The following SMARCAD1 variants were observed in gnomAD, a reference collection of about 807,000 sequenced individuals.
SMARCAD1 encodes the protein SWI/SNF-related matrix-associated actin-dependent regulator of chromatin subfamily A containing DEAD/H box 1.
SMARCAD1 carries 25 observed loss-of-function variants against 127.1 expected under a neutral mutation model. The ratio of observed to expected loss-of-function variants is 0.20; its 90% confidence interval spans 0.14 to 0.27. SMARCAD1 has a LOEUF of 0.27. Ranked by LOEUF, SMARCAD1 falls within the 10% of genes least tolerant of loss-of-function variation. The probability of loss-of-function intolerance (pLI) is 1.00; values close to 1 mark genes in which losing one functional copy is unlikely to be tolerated. For synonymous variants in SMARCAD1, 400 were observed against 396.9 expected, an observed-to-expected ratio of 1.01 and a Z score of -0.09; for missense variants, 807 against 1,206.0, an observed-to-expected ratio of 0.67 and a Z score of 4.90.
intron 3 of SMARCAD1, 61 bp downstream of exon 3, chr4:94,226,357 C>T: frequency 3.5e-6 from 5 of 1,421,906 alleles, no homozygotes; most frequent in South Asian, 1.3e-5. Flanking sequence ...AGAAAAAAAC[C>T]TACCTAATTT....
At position 94,207,967 on chromosome 4, in the gene SMARCAD1, C is replaced by G. The variant is rs535756667; in HGVS notation, c.-153C>G. 69 of 363,580 alleles carry G rather than the reference C, an allele frequency of 1.9e-4. 2 individuals carry two copies. Among genetic ancestry groups the G allele is most frequent in the South Asian group, 1.4e-3 (69 of 48,154 alleles). The allele number at this position is 363,580 out of a possible 1,614,324, so 22.5% of individuals were successfully genotyped here. A position where few individuals can be genotyped will look rare whatever the true frequency, so the allele number is the denominator to read the frequency against. ...GTCGAGGCGCGGGCCCTGGCAGGTC[C>G]TTTCTCGAGGCAGGGGGCACGGTAG... On this transcript the variant is annotated 5_prime_UTR_variant, in exon 1 of 24. Transcript: ENST00000354268.
intron 2 of SMARCAD1, among the ~76,000 whole-genome samples, chr4:94,210,633 A>C (rs1026976090): frequency 4.6e-5 from 7 of 152,124 alleles, no homozygotes; most frequent in African/African-American, 1.7e-4. Flanking sequence ...CCCTGATGGG[A>C]ATGAGATAAG....
chr4:94,214,064 A>G (rs1742737778), intron 2 of SMARCAD1, among the ~76,000 whole-genome samples: 1 of 152,166 alleles, frequency 6.6e-6, no homozygotes, highest in Non-Finnish European at 1.5e-5. Flanking sequence ...AATCCTGTAG[A>G]GAAGTCAAGT....
At chr4:94,241,309 T>C (rs1273817703) in intron 6 of SMARCAD1, among the ~76,000 whole-genome samples, 7 of 152,238 alleles carry the variant, frequency 4.6e-5, no homozygotes, top group Non-Finnish European at 1.5e-5. Flanking sequence ...ATATAATTTG[T>C]GACTGTTTTT....
At chr4:94,264,218 G>T (rs1402786876) in intron 9 of SMARCAD1, among the ~76,000 whole-genome samples, 1 of 151,896 alleles carries the variant, frequency 6.6e-6, no homozygotes. Flanking sequence ...GATGATAGAT[G>T]TGGAAAAATA....
At chr4:94,254,333 CTT>C in intron 9 of SMARCAD1, among the ~76,000 whole-genome samples, 1 of 151,884 alleles carries the variant, frequency 6.6e-6, no homozygotes, top group East Asian at 1.9e-4. Context: ...TTAATGGTCT[CTT>C]ATGTTGTTGC....
Position 94,290,540 on chromosome 4 carries a change from A to T in SMARCAD1, c.*1006A>T, listed in dbSNP as rs749367981. 1 of 454,370 alleles carries T rather than the reference A, an allele frequency of 2.2e-6. No homozygotes were observed. Among genetic ancestry groups the T allele is most frequent in the Non-Finnish European group, 4.4e-6 (1 of 226,756 alleles). 28.1% of individuals were successfully genotyped at this position (454,370 alleles called of 1,614,324 possible). ...AATAGGTCATTAACTTGAAACTCTT[A>T]TCAAAATATATTTTACCAGTTTCCA... On this transcript the variant is annotated 3_prime_UTR_variant, in exon 24 of 24. Coordinates refer to ENST00000354268, the MANE Select transcript of SMARCAD1 (RefSeq NM_020159.5).
chr4:94,282,100 G>GTT (rs70946518), intron 21 of SMARCAD1, among the ~76,000 whole-genome samples: 3,142 of 74,850 alleles, frequency 0.042, 722 homozygotes, highest in South Asian at 0.1. Flanking sequence ...ACGTTTTTTT[G>GTT]TTTTTTTTTT....
intron 14 of SMARCAD1, among the ~76,000 whole-genome samples, chr4:94,275,796 C>CTTTTTTTTTTTTTTTTTTTT (rs535710589): frequency 1.2e-5 from 1 of 85,408 alleles, no homozygotes; most frequent in African/African-American, 3.7e-5. Context: ...TTAACATTTT[C>CTTTTTTTTTTTTTTTTTTTT]TTTTTTTTTT....
intron 2 of SMARCAD1, among the ~76,000 whole-genome samples, chr4:94,224,233 CT>C (rs1386551565): frequency 6.6e-6 from 1 of 152,136 alleles, no homozygotes; most frequent in Admixed American, 6.5e-5. Flanking sequence ...GTATGATTTG[CT>C]TTTTGCTGTT....
At chr4:94,283,083 T>G (rs1162482700) in intron 21 of SMARCAD1, 38 bp from the exon 22 acceptor site, 1 of 1,552,446 alleles carries the variant, frequency 6.4e-7, no homozygotes. Flanking sequence ...ATTATACAAC[T>G]TTTTAGTGAG....
intron 16 of SMARCAD1, 32 bp downstream of exon 16, chr4:94,277,191 T>G: frequency 6.2e-7 from 1 of 1,610,482 alleles, no homozygotes; most frequent in Non-Finnish European, 8.5e-7. Flanking sequence ...CTCCCAAATA[T>G]GTTATTTGTG....
chr4:94,248,225 A>G (rs1748748181), intron 6 of SMARCAD1, among the ~76,000 whole-genome samples: 1 of 152,196 alleles, frequency 6.6e-6, no homozygotes, highest in Non-Finnish European at 1.5e-5. Context: ...TTTCAGATAT[A>G]CTACAATGTT....
Position 94,213,013 on chromosome 4 carries a change from TC to T in SMARCAD1, c.190+4430del, listed in dbSNP as rs765391834. The T allele has an allele frequency of 6.0e-6, 7 of 1,167,944 alleles. 1 individual carries two copies. In the South Asian group the frequency reaches 8.9e-5, roughly 15 times the overall value. The allele number at this position is 1,167,944 out of a possible 1,614,324, so 72.3% of individuals were successfully genotyped here. On this transcript the variant is annotated intron_variant, in intron 2 of 23. Transcript: ENST00000354268. ...ATTTACACATTATTTCTCCTTTTTT[TC>T]TTTGACTTTTGGGAGTACAGTGAGT...
chr4:94,226,179 A>G lies in SMARCAD1; in HGVS notation c.251A>G (p.Lys84Arg), dbSNP rs767064469. The G allele has an allele frequency of 1.2e-5, 19 of 1,612,134 alleles. No homozygotes were observed. Among genetic ancestry groups the G allele is most frequent in the East Asian group, 2.2e-5 (1 of 44,768 alleles). Residue 84 changes from lysine to arginine, a missense_variant, in exon 3 of 24, where the codon AAA becomes AGA. Lys to Arg is a conservative substitution (Grantham distance 26). Around this residue, in one of 8 missense-constraint regions of SMARCAD1, gnomAD observed 175 missense variants for 169.5 expected, o/e 1.03. Coordinates refer to ENST00000354268, the MANE Select transcript of SMARCAD1 (RefSeq NM_020159.5). ...AGAAAAGCAAGTATATCATATTTCAAAAATCAAAGAGGAATACAGTATATT... is the reference window on the plus strand; with the variant it reads ...AGAAAAGCAAGTATATCATATTTCAGAAATCAAAGAGGAATACAGTATATT... ...NERKASISYF[K>R]NQRGIQYIDL...
At chr4:94,257,420 T>G (rs947836894) in intron 9 of SMARCAD1, among the ~76,000 whole-genome samples, 14 of 152,188 alleles carry the variant, frequency 9.2e-5, no homozygotes, top group African/African-American at 2.9e-4. Flanking sequence ...TCAGATTTAC[T>G]AATAGATCCC....
rs201835005 is a variant in SMARCAD1, at chr4:94,278,909, G to A, written c.2297-20G>A. ...TATCCGCTTGGTTTTATTTTTTACT[G>A]TGTTCTCTTTGAGTCACAGAAAAAA... is the stretch of plus-strand genomic sequence containing the variant. On this transcript the variant is annotated intron_variant, in intron 18 of 23. Transcript: ENST00000354268. 1.9e-6 allele frequency: 3 copies of A among 1,613,180 alleles called. No homozygotes were observed. The Admixed American group carries it at 5.0e-5, about 27-fold the overall frequency.
intron 6 of SMARCAD1, among the ~76,000 whole-genome samples, chr4:94,246,222 C>T (rs1034008606): frequency 6.6e-6 from 1 of 151,716 alleles, no homozygotes; most frequent in Non-Finnish European, 1.5e-5. Flanking sequence ...CGGGTTCAAG[C>T]AATTCTCCCA....
intron 2 of SMARCAD1, among the ~76,000 whole-genome samples, chr4:94,209,601 A>G (rs553784345): frequency 3.9e-5 from 6 of 152,326 alleles, no homozygotes; most frequent in Admixed American, 3.3e-4. Flanking sequence ...CCTTCTACTT[A>G]AATGTAATAA....
Sources: gnomAD v4.1 joint callset for allele counts (sites outside exome capture counted in the v4.1 genomes callset) on GRCh38, gnomAD v4.1.1 for gene constraint, gnomAD v4.1.1 regional missense constraint, MANE v1.5 for transcripts, NCBI Gene and HGNC (gene_info 2026-07-23, HGNC 2026-07-21) for gene names.